TSPAN10: variants seen among roughly 807,000 people sequenced by gnomAD.
TSPAN10 encodes the protein tetraspanin-10.
In TSPAN10, 11 loss-of-function variants were observed where a neutral mutation model predicts 15.0. The ratio of observed to expected loss-of-function variants is 0.73; its 90% confidence interval spans 0.46 to 1.21. The LOEUF is 1.21. TSPAN10 is among the 50% of genes most tolerant of loss of function. The pLI is 0.00. For synonymous variants in TSPAN10, 241 were observed against 226.2 expected (o/e 1.07, Z -0.59); for missense variants, 486 against 470.6 (o/e 1.03, Z -0.30).
In TSPAN10 at chr17:81,643,597, C is replaced by T. The variant is rs1188887182; in HGVS notation, c.36+1149C>T. ...CTGCACTCCAGCCTGGGCGACAGAG[C>T]GAGACTCCGTCTCAAAAAAAAAAAA... On this transcript the variant is annotated intron_variant, in intron 1 of 2. Coordinates refer to ENST00000611590, the Ensembl canonical transcript of TSPAN10. Among the ~76,000 whole-genome samples the T allele has an allele frequency of 1.3e-4, 4 of 30,470 alleles. 1 individual carries two copies. 20.0% of individuals were successfully genotyped at this position (30,470 alleles called of 152,430 possible). A position where few individuals can be genotyped will look rare whatever the true frequency, so the allele number is the denominator to read the frequency against.
upstream of TSPAN10, among the ~76,000 whole-genome samples, chr17:81,639,902 C>T (rs1343136692): frequency 2.4e-4 from 37 of 152,056 alleles, no homozygotes; most frequent in African/African-American, 8.0e-4. Flanking sequence ...ATGGCGTGAA[C>T]CCGGGAGGCA....
chr17:81,648,109 G>A, exon 3 of TSPAN10: 1 of 1,568,622 alleles, frequency 6.4e-7, no homozygotes, highest in South Asian at 1.2e-5. Flanking sequence ...GGCTGCCTCG[G>A]GCGGCTACGC....
In TSPAN10 at chr17:81,645,250, C is replaced by T. The variant is rs748304797; in HGVS notation, c.295C>T (p.Leu99Phe). 1.4e-5 allele frequency: 21 copies of T among 1,535,030 alleles called. No individual in the cohort carries two copies. The highest frequency in any genetic ancestry group is 1.7e-5 in the Non-Finnish European group (20 of 1,147,690). Residue 99 changes from leucine to phenylalanine, a missense_variant, in exon 2 of 3, where the codon CTC (leucine) becomes TTC (phenylalanine). Leu to Phe is a conservative substitution (Grantham distance 22). Transcript: ENST00000611590. ...GGGGCTGCTGGCCCTGGCCATCGGG[C>T]TCTGGGGCCTGGCTGTCAAGGGGTC...
intron 1 of TSPAN10, among the ~76,000 whole-genome samples, chr17:81,642,789 G>C (rs2036191627): frequency 6.6e-6 from 1 of 152,116 alleles, no homozygotes; most frequent in African/African-American, 2.4e-5. Flanking sequence ...CCCCAGTCTG[G>C]CCAACCAGGC....
chr17:81,642,297 C>G, upstream of TSPAN10: 1 of 1,254,534 alleles, frequency 8.0e-7, no homozygotes, highest in South Asian at 1.2e-5. Context: ...CAGGGCTGCA[C>G]TGTTCACAGA....
chr17:81,645,580 G>C lies in TSPAN10; in HGVS notation c.625G>C (p.Gly209Arg), dbSNP rs201840060. 17 of 1,612,458 alleles carry C rather than the reference G, an allele frequency of 1.1e-5. No individual in the cohort carries two copies. In the Middle Eastern group the frequency reaches 4.9e-4, roughly 47 times the overall value. ...CTTCCTCCTCGACCAAGTCCAGCTC[G>C]GGCTGAGGTGCTGCGGAGCTGCCTC... Residue 209 changes from glycine (G) to arginine (R), a missense_variant, in exon 2 of 3, where the codon GGG (glycine) becomes CGG (arginine). Physicochemically the swap from Gly to Arg is moderately radical, Grantham distance 125. Coordinates refer to ENST00000611590, the Ensembl canonical transcript of TSPAN10.
chr17:81,648,326 A>C (rs553142065), downstream of TSPAN10: 1 of 1,200,168 alleles, frequency 8.3e-7, no homozygotes, highest in African/African-American at 1.6e-5. Flanking sequence ...ACCGCCACGC[A>C]CAGGGATACA....
At chr17:81,639,200 C>CTTTTTTTTTT (rs757994889), upstream of TSPAN10, 2 of 115,278 alleles carry the variant, frequency 1.7e-5, no homozygotes, top group African/African-American at 3.5e-5. Flanking sequence ...TTTGGAATTA[C>CTTTTTTTTTT]TTTTCTTTTT....
chr17:81,639,707 G>A (rs1462145596), upstream of TSPAN10, among the ~76,000 whole-genome samples: 3 of 151,508 alleles, frequency 2.0e-5, no homozygotes, highest in East Asian at 2.0e-4. Flanking sequence ...ATCCCAGCGC[G>A]GTGGCTCACG....
At position 81,645,644 on chromosome 17, in the gene TSPAN10, G is replaced by C. The variant is rs193249591; in HGVS notation, c.674+15G>C. ...CAGCAGAACCTGTGAGTCTTGGAGT[G>C]GGCGAGGGACAGGGCCACCACAGGG... On this transcript the variant is annotated intron_variant, in intron 2 of 2. Coordinates refer to ENST00000611590, the Ensembl canonical transcript of TSPAN10. 1.4e-4 allele frequency: 232 copies of C among 1,610,552 alleles called. 2 individuals are homozygous for C. Among genetic ancestry groups the C allele is most frequent in the Middle Eastern group, 1.2e-3 (7 of 6,052 alleles).
At chr17:81,637,451 GTTTTT>G (rs57463122), upstream of TSPAN10, 295,300 of 631,198 alleles carry the variant, frequency 0.47, 71,283 homozygotes, top group East Asian at 0.75. Flanking sequence ...ACACCTTCAT[GTTTTT>G]TTTTTTAAGT....
chr17:81,647,968 C>G, exon 3 of TSPAN10: 2 of 1,611,188 alleles, frequency 1.2e-6, no homozygotes, highest in South Asian at 2.2e-5. Context: ...CATCGACCCC[C>G]GCGAAGATGG....
At chr17:81,637,450 T>A (rs1393057993), upstream of TSPAN10, 2 of 635,150 alleles carry the variant, frequency 3.1e-6, no homozygotes, top group South Asian at 3.3e-5. Context: ...CACACCTTCA[T>A]GTTTTTTTTT....
exon 2 of TSPAN10, chr17:81,645,485 C>G (rs749530990): frequency 6.3e-7 from 1 of 1,581,466 alleles, no homozygotes; most frequent in Non-Finnish European, 8.6e-7. Flanking sequence ...CTCTGGGGCC[C>G]GCTGCAAGAC....
chr17:81,644,911 C>A, intron 1 of TSPAN10, 81 bp from the exon 3 acceptor site: 2 of 1,569,612 alleles, frequency 1.3e-6, no homozygotes, highest in African/African-American at 2.7e-5. Flanking sequence ...GGCTCTGCCA[C>A]CATGCTCTTC....
intron 2 of TSPAN10, 33 bp from the exon 4 acceptor site, chr17:81,647,868 C>T: frequency 6.3e-7 from 1 of 1,582,036 alleles, no homozygotes; most frequent in Non-Finnish European, 8.5e-7. Context: ...CGGGCCCTCC[C>T]CGCCAGAACT....
At chr17:81,645,679 C>G in intron 2 of TSPAN10, 50 bp downstream of exon 3, 1 of 1,600,390 alleles carries the variant, frequency 6.2e-7, no homozygotes, top group Non-Finnish European at 8.5e-7. Context: ...GTCGCAGAGG[C>G]CACACACCCT....
At chr17:81,645,180 C>T (rs768707259) in exon 2 of TSPAN10, 33 of 1,548,782 alleles carry the variant, frequency 2.1e-5, no homozygotes, top group South Asian at 1.0e-4. Flanking sequence ...GGAGCAGCTG[C>T]GTCAAGTATC....
chr17:81,646,964 A>G (rs2036263417), intron 2 of TSPAN10, among the ~76,000 whole-genome samples: 1 of 151,854 alleles, frequency 6.6e-6, no homozygotes, highest in South Asian at 2.1e-4. Context: ...TCCCCAGTGC[A>G]TGCACACCCC....
Sources: allele counts gnomAD v4.1 joint callset (sites outside exome capture counted in the v4.1 genomes callset), GRCh38; gene constraint gnomAD v4.1.1; transcripts MANE v1.5; gene names NCBI Gene and HGNC (gene_info 2026-07-23, HGNC 2026-07-21).